CACNA2D1: variants seen among roughly 807,000 people sequenced by gnomAD.
The protein encoded by CACNA2D1 is voltage-dependent calcium channel subunit alpha-2/delta-1.
In CACNA2D1, 53 loss-of-function variants were observed where a neutral mutation model predicts 171.5. The ratio of observed to expected loss-of-function variants is 0.31; its 90% CI spans 0.25 to 0.39. The LOEUF is 0.39. Ranked by LOEUF, CACNA2D1 falls within the 10% of genes least tolerant of loss-of-function variation. CACNA2D1 has a pLI of 1.00. For missense variants in CACNA2D1, 903 were observed against 1,299.8 expected (o/e 0.69, Z 4.69); for synonymous variants, 442 against 443.1 (o/e 1.00, Z 0.03).
chr7:82,248,388 C>A (rs1005910866), intron 3 of CACNA2D1, among the ~76,000 whole-genome samples: 1 of 152,124 alleles, frequency 6.6e-6, no homozygotes, highest in Non-Finnish European at 1.5e-5. Context: ...TTAACCCACA[C>A]AGAAACTACA....
chr7:82,410,111 C>T (rs745604515), intron 1 of CACNA2D1, among the ~76,000 whole-genome samples: 1 of 152,138 alleles, frequency 6.6e-6, no homozygotes, highest in Non-Finnish European at 1.5e-5. Flanking sequence ...TATTTGAAAC[C>T]GTGCATCTTA....
At chr7:82,383,593 T>C (rs10273594) in intron 1 of CACNA2D1, among the ~76,000 whole-genome samples, 11,514 of 152,140 alleles carry the variant, frequency 0.076, 1,348 homozygotes, top group African/African-American at 0.25. Context: ...TAGTGGCAAA[T>C]ATGCTCAAAA....
At chr7:81,994,758 T>A (rs1797872371) in intron 20 of CACNA2D1, 110 bp downstream of exon 20, 2 of 648,120 alleles carry the variant, frequency 3.1e-6, no homozygotes, top group Non-Finnish European at 5.6e-6. Flanking sequence ...CCTAGAGATC[T>A]CCCTGTTTTA....
intron 3 of CACNA2D1, among the ~76,000 whole-genome samples, chr7:82,267,362 T>C (rs1807999536): frequency 6.6e-6 from 1 of 152,218 alleles, no homozygotes; most frequent in Non-Finnish European, 1.5e-5. Flanking sequence ...GGTCTGACTT[T>C]CTGATATAAA....
chr7:82,267,352 G>A (rs1411775629), intron 3 of CACNA2D1, among the ~76,000 whole-genome samples: 1 of 151,962 alleles, frequency 6.6e-6, no homozygotes, highest in Non-Finnish European at 1.5e-5. Flanking sequence ...TTGATCTGTA[G>A]GTCTGACTTT....
chr7:82,339,008 A>C (rs924354153), intron 2 of CACNA2D1, among the ~76,000 whole-genome samples: 1 of 152,206 alleles, frequency 6.6e-6, no homozygotes, highest in Non-Finnish European at 1.5e-5. Flanking sequence ...CCAAGTTCTA[A>C]GTAGCAGTCA....
At chr7:82,296,422 A>G (rs1253210941) in intron 3 of CACNA2D1, among the ~76,000 whole-genome samples, 1 of 152,184 alleles carries the variant, frequency 6.6e-6, no homozygotes, top group African/African-American at 2.4e-5. Context: ...TAGCTGTTAC[A>G]AGTAAGTGAA....
At chr7:82,101,764 G>A (rs73706228) in intron 6 of CACNA2D1, among the ~76,000 whole-genome samples, 10 of 152,002 alleles carry the variant, frequency 6.6e-5, no homozygotes, top group South Asian at 2.1e-4. Context: ...GTTTTTTACC[G>A]CAATCTACCA....
chr7:82,185,759 T>C lies in CACNA2D1; in HGVS notation c.295-15150A>G, dbSNP rs555078297. On this transcript the variant is annotated intron_variant, in intron 3 of 38. Coordinates refer to ENST00000356860, the MANE Select transcript of CACNA2D1 (RefSeq NM_000722.4). ...AAGTTTGGAAGAGCAGATGAGATGT[T>C]CTTTTAAGAGATTTATTAATATTTA... 7.2e-5 allele frequency among the ~76,000 whole-genome samples: 11 copies of C among 152,210 alleles called. No individual in the cohort carries two copies. The East Asian group carries it at 2.1e-3, about 29-fold the overall frequency.
intron 1 of CACNA2D1, among the ~76,000 whole-genome samples, chr7:82,375,521 T>C (rs916146551): frequency 6.6e-5 from 10 of 152,300 alleles, no homozygotes; most frequent in Admixed American, 5.2e-4. Context: ...CCCAGTTGGT[T>C]ACCCCAGCCC....
chr7:82,322,125 CAAAAAAAA>C (rs71093373), intron 3 of CACNA2D1, among the ~76,000 whole-genome samples: 6 of 43,636 alleles, frequency 1.4e-4, no homozygotes, highest in Non-Finnish European at 2.0e-4. Context: ...GACTCCGTCT[CAAAAAAAA>C]AAAAAAAAAA....
intron 22 of CACNA2D1, 92 bp from the exon 23 acceptor site, chr7:81,983,426 T>A: frequency 1.1e-6 from 1 of 924,918 alleles, no homozygotes; most frequent in Non-Finnish European, 1.7e-6. Flanking sequence ...ATTCAATGAC[T>A]TTCTTGAATA....
At chr7:82,003,591 A>C (rs923605632) in intron 18 of CACNA2D1, among the ~76,000 whole-genome samples, 8 of 150,204 alleles carry the variant, frequency 5.3e-5, no homozygotes, top group African/African-American at 1.9e-4. Flanking sequence ...TAGATGGTAG[A>C]TTTATATATA....
At chr7:82,320,528 T>C (rs1285248219) in intron 3 of CACNA2D1, among the ~76,000 whole-genome samples, 1 of 151,578 alleles carries the variant, frequency 6.6e-6, no homozygotes, top group Non-Finnish European at 1.5e-5. Flanking sequence ...CTTCCCATCC[T>C]AGTCTCCTGA....
chr7:82,048,490 A>T (rs1321950125), intron 10 of CACNA2D1, among the ~76,000 whole-genome samples: 1 of 152,146 alleles, frequency 6.6e-6, no homozygotes, highest in East Asian at 1.9e-4. Context: ...TAAGGTAAAA[A>T]TATTTTCATG....
intron 1 of CACNA2D1, among the ~76,000 whole-genome samples, chr7:82,371,958 A>G (rs1207713893): frequency 1.3e-5 from 2 of 152,204 alleles, no homozygotes; most frequent in African/African-American, 4.8e-5. Flanking sequence ...ATTCTAGATG[A>G]GACTTTAAAA....
chr7:82,418,857 G>A (rs1585893663), intron 1 of CACNA2D1, among the ~76,000 whole-genome samples: 1 of 152,238 alleles, frequency 6.6e-6, no homozygotes, highest in Non-Finnish European at 1.5e-5. Context: ...GGTGGCTCAC[G>A]CCTGTAATCC....
intron 1 of CACNA2D1, among the ~76,000 whole-genome samples, chr7:82,365,394 T>C (rs925500323): frequency 2.0e-5 from 3 of 152,244 alleles, no homozygotes; most frequent in East Asian, 1.9e-4. Context: ...CTTTGGTTTA[T>C]TTTACATGGA....
At position 81,948,592 on chromosome 7, in the gene CACNA2D1, A is replaced by G. The variant is rs892227470; in HGVS notation, c.*1800T>C. ...TTTAAGCTACGTTAAATTATTGGTT[A>G]TATCTTTGATATGTGGAGCATATTA... On this transcript the variant is annotated 3_prime_UTR_variant, in exon 39 of 39. Coordinates refer to ENST00000356860, the MANE Select transcript of CACNA2D1 (RefSeq NM_000722.4). The G allele has an allele frequency of 6.6e-6, 1 of 151,914 alleles. No individual in the cohort carries two copies. The highest frequency in any genetic ancestry group is 1.5e-5 in the Non-Finnish European group (1 of 67,820). The allele number at this position is 151,914 out of a possible 1,614,324, so 9.4% of individuals were successfully genotyped here.
Sources: gnomAD v4.1 joint callset for allele counts (sites outside exome capture counted in the v4.1 genomes callset) on GRCh38, gnomAD v4.1.1 for gene constraint, MANE v1.5 for transcripts, NCBI Gene and HGNC (gene_info 2026-07-23, HGNC 2026-07-21) for gene names.